CUX1: variants seen among roughly 807,000 people sequenced by gnomAD.
CUX1 encodes the protein cut like homeobox 1.
CUX1 carries 31 observed loss-of-function variants against 158.8 expected under a neutral mutation model. That is an observed-to-expected ratio of 0.20 (90% CI 0.15 to 0.26). The LOEUF (loss-of-function observed/expected upper bound fraction) is 0.26. Among genes scored for constraint, CUX1 ranks in the 10% least tolerant of loss-of-function variants. The pLI, the probability that CUX1 is intolerant of heterozygous loss-of-function variation, is 1.00. For missense variants in CUX1, 1,589 were observed against 2,014.6 expected (o/e 0.79, Z 4.04); for synonymous variants, 879 against 862.1 (o/e 1.02, Z -0.34).
At chr7:101,872,959 G>A (rs1345309876) in intron 1 of CUX1, among the ~76,000 whole-genome samples, 2 of 151,878 alleles carry the variant, frequency 1.3e-5, no homozygotes, top group Non-Finnish European at 1.5e-5. Context: ...TGCAACCTCC[G>A]CCTCCCAGGT....
intron 14 of CUX1, among the ~76,000 whole-genome samples, chr7:102,270,146 C>A (rs1435615976): frequency 6.6e-6 from 1 of 152,228 alleles, no homozygotes; most frequent in Non-Finnish European, 1.5e-5. Context: ...AAGGCAGGGC[C>A]AGAATGCAAG....
intron 8 of CUX1, among the ~76,000 whole-genome samples, chr7:102,137,234 C>T (rs1414893086): frequency 6.6e-6 from 1 of 152,168 alleles, no homozygotes; most frequent in Non-Finnish European, 1.5e-5. Context: ...GAACTGTGAC[C>T]TGGTTTTTAG....
intron 1 of CUX1, among the ~76,000 whole-genome samples, chr7:101,885,681 C>T (rs549360727): frequency 1.3e-5 from 2 of 152,340 alleles, no homozygotes; most frequent in South Asian, 2.1e-4. Context: ...CCCAGTTCCC[C>T]GAGCACAGAG....
intron 22 of CUX1, among the ~76,000 whole-genome samples, chr7:102,234,650 C>T (rs980613140): frequency 2.6e-5 from 4 of 151,338 alleles, no homozygotes; most frequent in Admixed American, 1.3e-4. Flanking sequence ...CAGGGCACGG[C>T]GGCTCACGCC....
At chr7:101,967,638 TTTAA>T (rs1165840573) in intron 2 of CUX1, among the ~76,000 whole-genome samples, 5 of 152,184 alleles carry the variant, frequency 3.3e-5, no homozygotes, top group African/African-American at 1.2e-4. Context: ...AGCAGAATCG[TTTAA>T]TTAAACCACA....
intron 3 of CUX1, among the ~76,000 whole-genome samples, chr7:102,070,026 G>A (rs895951005): frequency 3.9e-5 from 6 of 152,172 alleles, no homozygotes; most frequent in Admixed American, 2.0e-4. Flanking sequence ...CACATGGCCA[G>A]CTCTTAAGTC....
At chr7:102,160,342 C>A (rs1790298804) in intron 9 of CUX1, among the ~76,000 whole-genome samples, 1 of 152,096 alleles carries the variant, frequency 6.6e-6, no homozygotes, top group South Asian at 2.1e-4. Flanking sequence ...AACAGGAGAG[C>A]CTGGTTTGTT....
chr7:102,184,062 G>A (rs545478519), intron 11 of CUX1, among the ~76,000 whole-genome samples: 62 of 151,962 alleles, frequency 4.1e-4, no homozygotes, highest in South Asian at 1.0e-3. Flanking sequence ...CACACCCGGC[G>A]AATTTTTATA....
chr7:102,019,734 A>C (rs771086599), intron 2 of CUX1, among the ~76,000 whole-genome samples: 2 of 152,196 alleles, frequency 1.3e-5, no homozygotes, highest in African/African-American at 2.4e-5. Flanking sequence ...CCACAGCATC[A>C]GCATTGGAGA....
At chr7:101,911,634 C>T (rs372024760) in intron 1 of CUX1, among the ~76,000 whole-genome samples, 7 of 152,146 alleles carry the variant, frequency 4.6e-5, no homozygotes, top group African/African-American at 7.2e-5. Flanking sequence ...GACCTTGGCC[C>T]GCCAGTGGAT....
chr7:102,261,286 G>A (rs1554543791), downstream of CUX1, among the ~76,000 whole-genome samples: 1 of 152,174 alleles, frequency 6.6e-6, no homozygotes, highest in Non-Finnish European at 1.5e-5. Flanking sequence ...CTGAGGTCAG[G>A]AGTTTGAGAC....
chr7:101,872,451 G>T lies in CUX1; in HGVS notation c.31-43664G>T, dbSNP rs111632281. On this transcript the variant is annotated intron_variant, in intron 1 of 23. Transcript: ENST00000292535. ...GCCCGGCCCATAGAAGGATTTTTTTGGGGGGAAAGAATCTGTAAAGTGATT... is the reference window on the plus strand; with the variant it reads ...GCCCGGCCCATAGAAGGATTTTTTTTGGGGGAAAGAATCTGTAAAGTGATT... Among the ~76,000 whole-genome samples the T allele has an allele frequency of 5.3e-5, 8 of 151,896 alleles. 1 individual carries two copies. The highest frequency in any genetic ancestry group is 9.7e-5 in the African/African-American group (4 of 41,414).
upstream of CUX1, among the ~76,000 whole-genome samples, chr7:101,816,405 GCGCCGCCGCCGCCGCCAGCGCCGC>G (rs1392990684): frequency 7.0e-6 from 1 of 141,992 alleles, no homozygotes; most frequent in African/African-American, 2.5e-5. Context: ...CCCGGGCCCC[GCGCCGCCGCCGCCGCCAGCGCCGC>G]CGCCGCCGTT....
In CUX1 at chr7:102,248,430, A is replaced by G; in HGVS notation, c.3906A>G (p.Glu1302=). ...FHNYRSRIRR[E]LFIEEIQAGS... ...CTTGTAGGTCTCGGATCCGCAGAGA[A>G]CTGTTCATTGAGGAAATTCAGGCCG... The change falls in exon 24 of 24, where the codon GAA becomes GAG. Residue 1302 remains glutamate, a synonymous_variant. Transcript: ENST00000292535. This position sits in a 1 kb window ranked among gnomAD's most constrained non-coding sequence, Gnocchi z 5.8. 6.3e-7 allele frequency: 1 copy of G among 1,597,102 alleles called. No individual in the cohort carries two copies. The highest frequency in any genetic ancestry group is 2.3e-5 in the East Asian group (1 of 44,152).
intron 2 of CUX1, among the ~76,000 whole-genome samples, chr7:102,014,052 C>T (rs1818327916): frequency 1.3e-5 from 2 of 152,142 alleles, no homozygotes; most frequent in Admixed American, 6.6e-5. Flanking sequence ...TTTGTGGCTC[C>T]ATATACAGGG....
chr7:102,080,930 C>T (rs376758093), intron 4 of CUX1, among the ~76,000 whole-genome samples: 46 of 152,330 alleles, frequency 3.0e-4, no homozygotes, highest in Admixed American at 2.4e-3. Context: ...CCACTGCGCA[C>T]GCCAGATATG....
intron 1 of CUX1, among the ~76,000 whole-genome samples, chr7:101,909,391 T>C (rs1403805354): frequency 6.7e-6 from 1 of 149,946 alleles, no homozygotes; most frequent in East Asian, 2.0e-4. Flanking sequence ...ATGTTTTCAG[T>C]AGGGGACTTG....
At chr7:102,069,549 G>A (rs541386314) in intron 3 of CUX1, among the ~76,000 whole-genome samples, 3 of 152,162 alleles carry the variant, frequency 2.0e-5, no homozygotes, top group Non-Finnish European at 4.4e-5. Context: ...AGGAGTTTGA[G>A]ACCAGCCTGG....
At chr7:102,143,493 G>C (rs571622548) in intron 8 of CUX1, among the ~76,000 whole-genome samples, 1 of 152,220 alleles carries the variant, frequency 6.6e-6, no homozygotes, top group South Asian at 2.1e-4. Context: ...GGCTGGTCTC[G>C]AATTCCTGGG....
Sources: gnomAD v4.1 joint callset for allele counts (sites outside exome capture counted in the v4.1 genomes callset) on GRCh38, gnomAD v4.1.1 for gene constraint, Gnocchi (gnomAD v3.1) non-coding constraint, MANE v1.5 for transcripts, NCBI Gene and HGNC (gene_info 2026-07-23, HGNC 2026-07-21) for gene names.